Variants in ZNF362 observed in about 807,000 individuals in gnomAD.
The protein encoded by ZNF362 is zinc finger protein 362, also known as rotund homolog.
ZNF362 carries 11 observed loss-of-function variants against 42.9 expected under a neutral mutation model. The observed-to-expected ratio is 0.26, with a 90% CI of 0.16 to 0.42. The LOEUF (loss-of-function observed/expected upper bound fraction) is 0.42, where lower values mean the gene tolerates loss of function less well. Ranked by LOEUF, ZNF362 falls within the 20% of genes least tolerant of loss-of-function variation. The pLI is 1.00. For missense variants in ZNF362, 362 were observed against 576.2 expected, an observed-to-expected ratio of 0.63 and a Z score of 3.81; for synonymous variants, 255 against 257.3, an observed-to-expected ratio of 0.99 and a Z score of 0.09.
rs1646105720 is a variant in ZNF362, at chr1:33,294,828, G to A, written c.909-109G>A. 4 of 1,195,236 alleles carry A rather than the reference G, an allele frequency of 3.3e-6. No individual in the cohort carries two copies. Among genetic ancestry groups the A allele is most frequent in the Non-Finnish European group, 4.9e-6 (4 of 823,130 alleles). 74.0% of individuals were successfully genotyped at this position (1,195,236 alleles called of 1,614,324 possible). ...CTCACTCTTGGTCCTTGGGGAGCAT[G>A]GGCAGGGTAGGGACCGAGAGGCTTA... On this transcript the variant is annotated intron_variant, in intron 6 of 8. Coordinates refer to ENST00000539719, the MANE Select transcript of ZNF362 (RefSeq NM_152493.3). This position sits in a 1 kb window ranked among gnomAD's most constrained non-coding sequence, Gnocchi z 4.2.
intron 6 of ZNF362, among the ~76,000 whole-genome samples, chr1:33,283,637 C>T (rs554285318): frequency 1.3e-5 from 2 of 152,016 alleles, no homozygotes; most frequent in South Asian, 4.2e-4. Flanking sequence ...CTCAGGAGGT[C>T]GAGGCTTCAG....
chr1:33,210,141 G>T, the ZNF362 span, among the ~76,000 whole-genome samples: 7 of 152,048 alleles, frequency 4.6e-5, no homozygotes, highest in African/African-American at 1.4e-4. Flanking sequence ...TGTTCTTATT[G>T]GTTTCAAAGA....
At chr1:33,258,224 C>T (rs1291391355) in intron 1 of ZNF362, among the ~76,000 whole-genome samples, 1 of 152,174 alleles carries the variant, frequency 6.6e-6, no homozygotes, top group Admixed American at 6.5e-5. Flanking sequence ...CAGGTCAGGG[C>T]CTGCTGGCTC....
chr1:33,225,890 G>T, the ZNF362 span, among the ~76,000 whole-genome samples: 2 of 152,140 alleles, frequency 1.3e-5, no homozygotes, highest in Non-Finnish European at 2.9e-5. Flanking sequence ...TCTTTTGCAT[G>T]ATTTTTAGGT....
At chr1:33,133,947 C>G in the ZNF362 span, among the ~76,000 whole-genome samples, 3 of 152,230 alleles carry the variant, frequency 2.0e-5, no homozygotes, top group Non-Finnish European at 4.4e-5. Context: ...CATGCCTTAT[C>G]TTACTCAACC....
chr1:33,167,583 T>C, the ZNF362 span, among the ~76,000 whole-genome samples: 1 of 152,188 alleles, frequency 6.6e-6, no homozygotes, highest in Non-Finnish European at 1.5e-5. This position sits in a 1 kb window ranked among gnomAD's most constrained non-coding sequence, Gnocchi z 4.2. Context: ...AGCAACAGCC[T>C]GGCACTGAGA....
chr1:33,212,870 C>T, the ZNF362 span, among the ~76,000 whole-genome samples: 21 of 152,240 alleles, frequency 1.4e-4, no homozygotes, highest in African/African-American at 4.8e-4. Context: ...GAAATGAAAG[C>T]GTACGTGCAT....
intron 2 of ZNF362, 89 bp from the exon 3 acceptor site, chr1:33,276,011 C>G (rs1192781370): frequency 6.9e-7 from 1 of 1,452,046 alleles, no homozygotes; most frequent in East Asian, 2.3e-5. Context: ...CAGACACTGG[C>G]CCTGACTTGA....
At chr1:33,286,292 T>C (rs1383339893) in intron 6 of ZNF362, among the ~76,000 whole-genome samples, 2 of 151,926 alleles carry the variant, frequency 1.3e-5, no homozygotes, top group South Asian at 4.1e-4. Context: ...ACAGGCAAGC[T>C]AATAAACACA....
At chr1:33,298,831 G>A (rs991298941) in intron 8 of ZNF362, 99 bp from the exon 9 acceptor site, 16 of 1,010,868 alleles carry the variant, frequency 1.6e-5, no homozygotes, top group Admixed American at 1.2e-4. Context: ...CCTCTGAACC[G>A]CCTACCAAGA....
chr1:33,251,630 C>T (rs1044249774), upstream of ZNF362, among the ~76,000 whole-genome samples: 6 of 152,204 alleles, frequency 3.9e-5, no homozygotes, highest in African/African-American at 7.2e-5. Context: ...GGCCTGCCTA[C>T]GACATCTAGC....
chr1:33,225,874 G>T, the ZNF362 span, among the ~76,000 whole-genome samples: 1 of 152,168 alleles, frequency 6.6e-6, no homozygotes, highest in Non-Finnish European at 1.5e-5. Context: ...AAAAGGGATG[G>T]TTTTTTCTTT....
the ZNF362 span, among the ~76,000 whole-genome samples, chr1:33,129,221 A>T: frequency 5.9e-4 from 90 of 152,282 alleles, no homozygotes; most frequent in Non-Finnish European, 1.0e-3. This position sits in a 1 kb window ranked among gnomAD's most constrained non-coding sequence, Gnocchi z 4.1. Context: ...ATCAACTAAG[A>T]CAGACCCTAA....
intron 1 of ZNF362, 30 bp downstream of exon 1, chr1:33,256,684 C>T (rs867159300): frequency 0.024 from 3,495 of 144,322 alleles, 63 homozygotes; most frequent in Non-Finnish European, 0.037. Context: ...GCGCGGGGAG[C>T]GGGCCCAGCG....
At position 33,280,687 on chromosome 1, in the gene ZNF362, T is replaced by A. The variant is rs918152458; in HGVS notation, c.683+230T>A. ...GGCTTGGACCCTTAGGTGTGGTCTGTGGCTGGCAGCCACCCCCACAGCCTG... is the reference window on the plus strand; with the variant it reads ...GGCTTGGACCCTTAGGTGTGGTCTGAGGCTGGCAGCCACCCCCACAGCCTG... On this transcript the variant is annotated intron_variant, in intron 5 of 8. Transcript: ENST00000539719. This position sits in a 1 kb window ranked among gnomAD's most constrained non-coding sequence, Gnocchi z 5.6. 8.5e-5 allele frequency among the ~76,000 whole-genome samples: 13 copies of A among 152,220 alleles called. No individual in the cohort carries two copies. Among genetic ancestry groups the A allele is most frequent in the Non-Finnish European group, 1.3e-4 (9 of 68,036 alleles).
At chr1:33,220,889 C>A in the ZNF362 span, among the ~76,000 whole-genome samples, 1 of 152,144 alleles carries the variant, frequency 6.6e-6, no homozygotes, top group African/African-American at 2.4e-5. Context: ...TGGGCAAGTT[C>A]TTTGAATTTG....
the ZNF362 span, chr1:33,176,456 G>A: frequency 2.9e-6 from 2 of 695,718 alleles, no homozygotes; most frequent in Non-Finnish European, 5.3e-6. Context: ...CTGGCATGAA[G>A]GAAGCCTTGG....
chr1:33,241,906 A>G, the ZNF362 span, among the ~76,000 whole-genome samples: 1 of 151,984 alleles, frequency 6.6e-6, no homozygotes, highest in East Asian at 1.9e-4. Context: ...AAATGTACCA[A>G]CCCCCAACCC....
At chr1:33,169,655 T>C in the ZNF362 span, among the ~76,000 whole-genome samples, 2 of 152,236 alleles carry the variant, frequency 1.3e-5, no homozygotes, top group Non-Finnish European at 2.9e-5. Flanking sequence ...CAGTCCTAGC[T>C]CTTGGTCCAG....
Sources: allele counts gnomAD v4.1 joint callset (sites outside exome capture counted in the v4.1 genomes callset), GRCh38; gene constraint gnomAD v4.1.1; non-coding constraint Gnocchi (gnomAD v3.1); transcripts MANE v1.5; gene names NCBI Gene and HGNC (gene_info 2026-07-23, HGNC 2026-07-21).